Variants in C6orf89 observed in about 807,000 individuals in gnomAD.
C6orf89 encodes chromosome 6 open reading frame 89, also known as bombesin receptor-activated protein C6orf89.
C6orf89 carries 29 observed loss-of-function variants against 40.7 expected under a neutral mutation model. The ratio of observed to expected loss-of-function variants is 0.71; its 90% CI spans 0.53 to 0.97. The LOEUF is 0.97. Ranked by LOEUF, C6orf89 falls within the 50% of genes least tolerant of loss-of-function variation. The pLI is 0.00. For synonymous variants in C6orf89, 165 were observed against 152.2 expected (o/e 1.08, Z -0.62); for missense variants, 392 against 429.1 (o/e 0.91, Z 0.76).
At position 36,899,543 on chromosome 6, in the gene C6orf89, G is replaced by C. The variant is rs374760313; in HGVS notation, c.99G>C (p.Lys33Asn). The change falls in exon 3 of 9, where the codon AAG becomes AAC. Residue 33 changes from lysine (K) to asparagine (N), a missense_variant. By Grantham distance (94) the Lys-to-Asn change is moderately conservative. Coordinates refer to ENST00000480824, the MANE Select transcript of C6orf89 (RefSeq NM_001286635.2). The part of the protein sequence containing the change: ...QTGHQCGMSE[K>N]AIEKFIRQLL... ...GCCATCAGTGTGGCATGTCAGAGAA[G>C]GCAATTGAAAAATTTATCAGACAGC... 3 of 1,614,106 alleles carry C rather than the reference G, an allele frequency of 1.9e-6. No individual in the cohort carries two copies. Among genetic ancestry groups the C allele is most frequent in the Non-Finnish European group, 2.5e-6 (3 of 1,180,014 alleles).
chr6:36,908,643 A>G (rs866966491), intron 4 of C6orf89, among the ~76,000 whole-genome samples: 1 of 152,174 alleles, frequency 6.6e-6, no homozygotes, highest in Non-Finnish European at 1.5e-5. Flanking sequence ...TCATATACAT[A>G]TTTTTGGCTA....
At chr6:36,883,647 C>T (rs1006785012), upstream of C6orf89, among the ~76,000 whole-genome samples, 1 of 152,156 alleles carries the variant, frequency 6.6e-6, no homozygotes, top group East Asian at 1.9e-4. Context: ...GTGGTACATA[C>T]ATTGCCTCAT....
In C6orf89 at chr6:36,888,008, C is replaced by A. The variant is rs953188352; in HGVS notation, c.-120+1980C>A. 5.3e-5 allele frequency among the ~76,000 whole-genome samples: 8 copies of A among 152,176 alleles called. 1 individual carries two copies. Among genetic ancestry groups the A allele is most frequent in the Admixed American group, 5.2e-4 (8 of 15,272 alleles). On this transcript the variant is annotated intron_variant, in intron 1 of 8. Coordinates refer to ENST00000480824, the MANE Select transcript of C6orf89 (RefSeq NM_001286635.2). ...CCAGTGTTGGGATTACAGGCATGAA[C>A]CACCATGCTTGACTTAGGACTTTAT...
At chr6:36,885,844 TGA>T (rs1774955465), upstream of C6orf89, 1 of 447,180 alleles carries the variant, frequency 2.2e-6, no homozygotes, top group East Asian at 3.5e-5. Context: ...GCCACGACAC[TGA>T]GTGTTCTGTT....
At position 36,919,640 on chromosome 6, in the gene C6orf89, T is replaced by G. The variant is rs976662526; in HGVS notation, c.888T>G (p.Pro296=). The change falls in exon 8 of 9, where the codon CCT becomes CCG. Residue 296 remains proline (P), a synonymous_variant. Coordinates refer to ENST00000480824, the MANE Select transcript of C6orf89 (RefSeq NM_001286635.2). ...GTGAGGCCATGTTGCAGCTCATCCC[T>G]CCCTTCCAGTGCCGAAGACATTGTC... is the stretch of plus-strand genomic sequence containing the variant. ...GSGEAMLQLI[P]PFQCRRHCQS... is the part of the protein sequence containing the mutation. 3.7e-6 allele frequency: 6 copies of G among 1,614,102 alleles called. No homozygotes were observed. Among genetic ancestry groups the G allele is most frequent in the Non-Finnish European group, 5.1e-6 (6 of 1,179,964 alleles).
chr6:36,923,231 C>G (rs1762572564), intron 8 of C6orf89, 116 bp from the exon 9 acceptor site: 1 of 661,090 alleles, frequency 1.5e-6, no homozygotes, highest in Non-Finnish European at 2.7e-6. Context: ...AAAGATTTGT[C>G]TTTGACTCTG....
exon 1 of C6orf89, chr6:36,871,964 G>T: frequency 1.7e-6 from 2 of 1,187,240 alleles, no homozygotes; most frequent in Non-Finnish European, 2.2e-6. Flanking sequence ...TGATTTTCAA[G>T]CTTGTAAGTC....
Position 36,912,054 on chromosome 6 carries a change from C to T in C6orf89, c.404-2230C>T, listed in dbSNP as rs145620482. ...ATCCAGAATAATCTTCCTAGAACAT[C>T]GAGAAATTCCTGCTCAAAAGCCTCC... On this transcript the variant is annotated intron_variant, in intron 4 of 8. Coordinates refer to ENST00000480824, the MANE Select transcript of C6orf89 (RefSeq NM_001286635.2). Among the ~76,000 whole-genome samples the T allele has an allele frequency of 6.9e-4, 104 of 151,490 alleles. 3 individuals are homozygous for T. The East Asian group carries it at 0.018, about 26-fold the overall frequency.
At chr6:36,875,823 C>G (rs1238271732) in intron 1 of C6orf89, among the ~76,000 whole-genome samples, 1 of 152,246 alleles carries the variant, frequency 6.6e-6, no homozygotes, top group African/African-American at 2.4e-5. Context: ...TAAAGTACTA[C>G]AGCTGGTGCA....
chr6:36,888,127 G>A (rs1197898187), intron 1 of C6orf89, among the ~76,000 whole-genome samples: 1 of 152,160 alleles, frequency 6.6e-6, no homozygotes, highest in African/African-American at 2.4e-5. Context: ...AACATTGTGG[G>A]GTAGAAATAA....
intron 1 of C6orf89, 132 bp downstream of exon 1, chr6:36,886,160 T>C: frequency 1.2e-6 from 1 of 838,206 alleles, no homozygotes; most frequent in Non-Finnish European, 1.6e-6. Flanking sequence ...CGGATCCCTT[T>C]TCTCAGTCTC....
chr6:36,908,768 G>C (rs1762017016), intron 4 of C6orf89, among the ~76,000 whole-genome samples: 1 of 152,036 alleles, frequency 6.6e-6, no homozygotes, highest in South Asian at 2.1e-4. Flanking sequence ...AGAAATCCAG[G>C]TTGATAGGGC....
At chr6:36,901,324 T>TTATTATTATTACTA (rs1561865541) in intron 3 of C6orf89, among the ~76,000 whole-genome samples, 2 of 26,970 alleles carry the variant, frequency 7.4e-5, no homozygotes, top group African/African-American at 4.7e-4. Flanking sequence ...TATTATTATT[T>TTATTATTATTACTA]TTTTTTTTTT....
intron 4 of C6orf89, among the ~76,000 whole-genome samples, chr6:36,912,986 C>T (rs775776966): frequency 6.6e-5 from 10 of 152,212 alleles, no homozygotes; most frequent in Non-Finnish European, 8.8e-5. Flanking sequence ...TTGTCGTAGG[C>T]TCTCTCCTGA....
At chr6:36,888,585 GATC>G (rs1209680225) in intron 1 of C6orf89, among the ~76,000 whole-genome samples, 14 of 152,190 alleles carry the variant, frequency 9.2e-5, no homozygotes, top group African/African-American at 3.4e-4. Context: ...AGTGAGCTGA[GATC>G]ATGTCACTGC....
intron 4 of C6orf89, among the ~76,000 whole-genome samples, chr6:36,909,098 C>T (rs1395747093): frequency 6.6e-6 from 1 of 151,746 alleles, no homozygotes; most frequent in African/African-American, 2.4e-5. Flanking sequence ...ATAATTAAAC[C>T]CTCTCTATAT....
intron 4 of C6orf89, among the ~76,000 whole-genome samples, chr6:36,906,131 A>C (rs915727631): frequency 6.6e-6 from 1 of 152,250 alleles, no homozygotes; most frequent in African/African-American, 2.4e-5. Context: ...GCATCCCGTA[A>C]CCTTCAAAGG....
chr6:36,910,347 A>G (rs1210212830), intron 4 of C6orf89, among the ~76,000 whole-genome samples: 1 of 152,156 alleles, frequency 6.6e-6, no homozygotes, highest in Non-Finnish European at 1.5e-5. Flanking sequence ...GTAGGAATCT[A>G]ACTTTATTTT....
At position 36,902,210 on chromosome 6, in the gene C6orf89, T is replaced by G; in HGVS notation, c.190-11T>G. The G allele has an allele frequency of 6.2e-7, 1 of 1,613,100 alleles. No individual in the cohort carries two copies. Among genetic ancestry groups the G allele is most frequent in the Non-Finnish European group, 8.5e-7 (1 of 1,179,062 alleles). On this transcript the variant is annotated splice_polypyrimidine_tract_variant and intron_variant, in intron 3 of 8. Transcript: ENST00000480824. The stretch of plus-strand genomic sequence containing the variant: ...TGCTGGGATTAATGCCTTTTCTATC[T>G]TTCCTTGTAGGTTCTCGCAACCTTG...
Sources: allele counts gnomAD v4.1 joint callset (sites outside exome capture counted in the v4.1 genomes callset), GRCh38; gene constraint gnomAD v4.1.1; transcripts MANE v1.5; gene names NCBI Gene and HGNC (gene_info 2026-07-23, HGNC 2026-07-21).